Variants in SLCO1B3 observed in about 807,000 individuals in gnomAD.
SLCO1B3 encodes solute carrier organic anion transporter family member 1B3.
A neutral mutation model predicts 71.8 loss-of-function variants in SLCO1B3; 72 were observed. The ratio of observed to expected loss-of-function variants is 1.00; its 90% CI spans 0.83 to 1.22. SLCO1B3 has a LOEUF of 1.22. SLCO1B3 is among the 50% of genes most tolerant of loss of function. SLCO1B3 has a pLI of 0.00. For synonymous variants in SLCO1B3, 298 were observed against 278.4 expected, an observed-to-expected ratio of 1.07 and a Z score of -0.70; for missense variants, 911 against 819.7, an observed-to-expected ratio of 1.11 and a Z score of -1.36.
chr12:20,893,607 G>A (rs570699978), intron 13 of SLCO1B3, among the ~76,000 whole-genome samples: 142 of 152,264 alleles, frequency 9.3e-4, no homozygotes, highest in African/African-American at 3.1e-3. Context: ...AGTGTCATTG[G>A]GAGTAAGCCA....
intron 3 of SLCO1B3, among the ~76,000 whole-genome samples, chr12:20,832,944 A>C (rs1196803509): frequency 8.7e-6 from 1 of 114,920 alleles, no homozygotes; most frequent in Non-Finnish European, 2.1e-5. Context: ...TAAAACAAAC[A>C]AAAAAAATTA....
chr12:20,911,047 A>G (rs1272515763), intron 15 of SLCO1B3, among the ~76,000 whole-genome samples: 1 of 152,040 alleles, frequency 6.6e-6, no homozygotes, highest in Non-Finnish European at 1.5e-5. Context: ...GAAAGCTCTG[A>G]GTTCTTCACC....
chr12:20,856,443 G>A (rs1443916950), intron 4 of SLCO1B3, among the ~76,000 whole-genome samples: 1 of 152,112 alleles, frequency 6.6e-6, no homozygotes, highest in African/African-American at 2.4e-5. Flanking sequence ...AAACAACATA[G>A]AATAGCAACT....
At chr12:20,879,830 A>G (rs1235904460) in intron 11 of SLCO1B3, among the ~76,000 whole-genome samples, 199 bp downstream of exon 11, 1 of 152,154 alleles carries the variant, frequency 6.6e-6, no homozygotes, top group Non-Finnish European at 1.5e-5. Context: ...GAAAAGCAAC[A>G]TCGGTTGAAA....
At position 20,847,108 on chromosome 12, in the gene SLCO1B3, C is replaced by T. The variant is rs7136326; in HGVS notation, c.85-7920C>T. ...GTTCCTGGAGGTATTTAGAAAGCCT[C>T]GCATATGCCCAGGGTAGTAGACTCA... On this transcript the variant is annotated intron_variant, in intron 3 of 15. Transcript: ENST00000381545. Among the ~76,000 whole-genome samples the T allele has an allele frequency of 6.4e-3, 972 of 152,040 alleles. 6 individuals carry two copies. Among genetic ancestry groups the T allele is most frequent in the African/African-American group, 0.022 (917 of 41,418 alleles).
intron 3 of SLCO1B3, chr12:20,845,034 A>AG (rs1864885312): frequency 7.3e-6 from 2 of 273,712 alleles, no homozygotes. Context: ...TCTCAAAAAA[A>AG]AAAAAAAAAA....
intron 1 of SLCO1B3, among the ~76,000 whole-genome samples, chr12:20,812,494 A>G (rs904282240): frequency 6.6e-6 from 1 of 152,208 alleles, no homozygotes; most frequent in Non-Finnish European, 1.5e-5. Flanking sequence ...AGGACATTCC[A>G]GGAATGGAAG....
intron 15 of SLCO1B3, among the ~76,000 whole-genome samples, chr12:20,908,599 A>G (rs1230655886): frequency 6.6e-6 from 1 of 152,126 alleles, no homozygotes; most frequent in African/African-American, 2.4e-5. Flanking sequence ...TACTTCCACA[A>G]TTTTGTCTGC....
At chr12:20,845,027 CAAAAAA>C (rs36120748) in intron 3 of SLCO1B3, 1,350 of 189,834 alleles carry the variant, frequency 7.1e-3, no homozygotes, top group South Asian at 0.017. Flanking sequence ...AAGACTGTCT[CAAAAAA>C]AAAAAAAAAA....
intron 1 of SLCO1B3, among the ~76,000 whole-genome samples, chr12:20,811,256 A>T (rs937609287): frequency 2.0e-5 from 3 of 152,172 alleles, no homozygotes; most frequent in Non-Finnish European, 4.4e-5. Flanking sequence ...AACTCGTTTG[A>T]TTTAGGGTGA....
At chr12:20,883,280 T>C in intron 12 of SLCO1B3, 138 bp from the exon 13 acceptor site, 1 of 495,826 alleles carries the variant, frequency 2.0e-6, no homozygotes, top group Admixed American at 4.3e-5. Flanking sequence ...GCCTTCACTA[T>C]TAAGCAACTA....
At chr12:20,881,965 T>A (rs1591778890) in intron 12 of SLCO1B3, among the ~76,000 whole-genome samples, 1 of 152,330 alleles carries the variant, frequency 6.6e-6, no homozygotes, top group Admixed American at 6.5e-5. Context: ...ATTTGAAGAA[T>A]AAAGCCTCCT....
In SLCO1B3 at chr12:20,813,292, C is replaced by T. The variant is rs554001259; in HGVS notation, c.-180-232C>T. Among the ~76,000 whole-genome samples, 6 of 152,250 alleles carry T rather than the reference C, an allele frequency of 3.9e-5. No homozygotes were observed. In the South Asian group the frequency reaches 8.3e-4, roughly 21 times the overall value. Reference sequence around the variant, plus strand: ...ATGCATAAAATATGCAGTAGATCTTCATTATTCACAGATTCTATATTAGAA... The same window carrying T: ...ATGCATAAAATATGCAGTAGATCTTTATTATTCACAGATTCTATATTAGAA... On this transcript the variant is annotated intron_variant, in intron 1 of 15. Coordinates refer to ENST00000381545, the MANE Select transcript of SLCO1B3 (RefSeq NM_019844.4).
At chr12:20,842,314 A>G (rs1158520077) in intron 3 of SLCO1B3, among the ~76,000 whole-genome samples, 3 of 152,200 alleles carry the variant, frequency 2.0e-5, no homozygotes, top group Non-Finnish European at 2.9e-5. Context: ...TAATTGAGAA[A>G]CAAAGATATG....
At chr12:20,829,723 C>T (rs1864499850) in intron 3 of SLCO1B3, among the ~76,000 whole-genome samples, 1 of 152,080 alleles carries the variant, frequency 6.6e-6, no homozygotes, top group Admixed American at 6.5e-5. Flanking sequence ...AATAGCTATT[C>T]CATAGAGAGA....
intron 6 of SLCO1B3, 61 bp from the exon 7 acceptor site, chr12:20,862,351 A>G (rs1267817442): frequency 6.6e-7 from 1 of 1,504,564 alleles, no homozygotes; most frequent in East Asian, 2.3e-5. Flanking sequence ...TAAAGTAGTT[A>G]AATTTCTAAT....
At chr12:20,905,871 T>C (rs549304077) in intron 15 of SLCO1B3, among the ~76,000 whole-genome samples, 7 of 152,308 alleles carry the variant, frequency 4.6e-5, no homozygotes, top group African/African-American at 1.2e-4. Context: ...TTTTCACATA[T>C]CCTTATAGCA....
chr12:20,857,906 A>G (rs1865174097), intron 4 of SLCO1B3, among the ~76,000 whole-genome samples: 1 of 152,136 alleles, frequency 6.6e-6, no homozygotes, highest in Non-Finnish European at 1.5e-5. Context: ...ATCCTCCAGG[A>G]AACTTTCACA....
Position 20,877,908 on chromosome 12 carries a change from G to A in SLCO1B3, c.1107G>A (p.Gln369=), listed in dbSNP as rs375605848. 3 of 1,590,480 alleles carry A rather than the reference G, an allele frequency of 1.9e-6. No homozygotes were observed. Among genetic ancestry groups the A allele is most frequent in the Non-Finnish European group, 2.6e-6 (3 of 1,171,280 alleles). Residue 369 remains glutamine (Q), a synonymous_variant, in exon 10 of 16, where the codon CAG becomes CAA. Coordinates refer to ENST00000381545, the MANE Select transcript of SLCO1B3 (RefSeq NM_019844.4). ...VFKYMEQQYG[Q]SASHANFLLG... is the part of the protein sequence containing the mutation. ...AATATATGGAGCAACAGTACGGTCA[G>A]TCTGCATCTCATGCTAACTTTTTGT...
Sources: gnomAD v4.1 joint callset for allele counts (sites outside exome capture counted in the v4.1 genomes callset) on GRCh38, gnomAD v4.1.1 for gene constraint, MANE v1.5 for transcripts, NCBI Gene and HGNC (gene_info 2026-07-23, HGNC 2026-07-21) for gene names.